SPIDR: variants seen among roughly 807,000 people sequenced by gnomAD.
The protein encoded by SPIDR is DNA repair-scaffolding protein.
In SPIDR, 93 loss-of-function variants were observed where a neutral mutation model predicts 104.6. The observed-to-expected ratio is 0.89, with a 90% confidence interval of 0.75 to 1.06. The LOEUF is 1.06. SPIDR is among the 50% of genes least tolerant of loss of function. The probability of loss-of-function intolerance (pLI) is 0.00; values close to 1 mark genes in which losing one functional copy is unlikely to be tolerated. For synonymous variants in SPIDR, 431 were observed against 416.9 expected (o/e 1.03, Z -0.41); for missense variants, 1,154 against 1,111.2 (o/e 1.04, Z -0.55).
At chr8:47,311,799 A>G (rs1554585356) in intron 5 of SPIDR, among the ~76,000 whole-genome samples, 2 of 151,900 alleles carry the variant, frequency 1.3e-5, no homozygotes, top group Non-Finnish European at 2.9e-5. Context: ...TACATGTGCC[A>G]TGTTGGTGTG....
At chr8:47,461,833 T>A (rs2073994734) in intron 8 of SPIDR, among the ~76,000 whole-genome samples, 1 of 152,078 alleles carries the variant, frequency 6.6e-6, no homozygotes, top group Non-Finnish European at 1.5e-5. Flanking sequence ...TCTTTTTTTT[T>A]ATTTCCTTAA....
chr8:47,331,965 C>CTTTTTTTTTTTTTT (rs1183447584), intron 5 of SPIDR, among the ~76,000 whole-genome samples: 37 of 32,712 alleles, frequency 1.1e-3, no homozygotes, highest in Admixed American at 2.3e-3. Context: ...TTTTTTTAAA[C>CTTTTTTTTTTTTTT]TTTTTTTTTT....
chr8:47,510,406 G>T (rs924104443), intron 8 of SPIDR, among the ~76,000 whole-genome samples: 1 of 152,174 alleles, frequency 6.6e-6, no homozygotes, highest in African/African-American at 2.4e-5. Context: ...TAATCTAGAT[G>T]TCCATGCCTG....
At chr8:47,294,268 G>A (rs912637760) in intron 5 of SPIDR, 20 of 430,914 alleles carry the variant, frequency 4.6e-5, no homozygotes, top group South Asian at 3.8e-4. Context: ...ACTGCACACC[G>A]AATGTTTTTT....
chr8:47,502,639 G>A (rs1003757336), intron 8 of SPIDR, among the ~76,000 whole-genome samples: 33 of 151,694 alleles, frequency 2.2e-4, no homozygotes, highest in Admixed American at 2.6e-4. Flanking sequence ...TATTTCCTTC[G>A]GTTCTGCTCT....
chr8:47,455,289 G>A (rs1260709874), intron 8 of SPIDR, among the ~76,000 whole-genome samples: 2 of 151,872 alleles, frequency 1.3e-5, no homozygotes, highest in Non-Finnish European at 2.9e-5. Context: ...TTGAAACTTA[G>A]TTAGTATTAT....
intron 8 of SPIDR, among the ~76,000 whole-genome samples, chr8:47,579,191 A>G (rs1262024211): frequency 6.6e-6 from 1 of 152,206 alleles, no homozygotes; most frequent in Non-Finnish European, 1.5e-5. Flanking sequence ...TCAGAGTCAT[A>G]TTTCATGCTG....
chr8:47,525,765 C>A (rs549334901), intron 8 of SPIDR, among the ~76,000 whole-genome samples: 20 of 149,908 alleles, frequency 1.3e-4, no homozygotes, highest in African/African-American at 4.6e-4. Context: ...CAGAGTGAGA[C>A]CCTGCCTCAA....
In SPIDR at chr8:47,712,873, G is replaced by A. The variant is rs779507096; in HGVS notation, c.2188+1G>A. On this transcript the variant is annotated splice_donor_variant, in intron 15 of 19. Transcript: ENST00000297423. LOFTEE classifies it high-confidence loss of function. ...TTCAAGGACGCTCTCCGTGACCAGGGTGTGCTTGCGTCTCCACAGCTTTGA... is the reference window on the plus strand; with the variant it reads ...TTCAAGGACGCTCTCCGTGACCAGGATGTGCTTGCGTCTCCACAGCTTTGA... 1.9e-6 allele frequency: 3 copies of A among 1,613,910 alleles called. No individual in the cohort carries two copies. The highest frequency in any genetic ancestry group is 1.1e-5 in the South Asian group (1 of 91,086).
At chr8:47,509,883 A>G (rs1227473185) in intron 8 of SPIDR, among the ~76,000 whole-genome samples, 3 of 152,038 alleles carry the variant, frequency 2.0e-5, no homozygotes, top group African/African-American at 7.2e-5. Context: ...CACACACCAC[A>G]CATCACATAC....
At chr8:47,494,651 A>G (rs1289545703) in intron 8 of SPIDR, among the ~76,000 whole-genome samples, 1 of 152,056 alleles carries the variant, frequency 6.6e-6, no homozygotes, top group African/African-American at 2.4e-5. Context: ...TATATATCTG[A>G]AAGTCTTTCA....
At chr8:47,316,410 A>G (rs188169862) in intron 5 of SPIDR, among the ~76,000 whole-genome samples, 3 of 152,322 alleles carry the variant, frequency 2.0e-5, no homozygotes, top group East Asian at 3.9e-4. Context: ...CACATCTACA[A>G]GATTTGTTCA....
intron 10 of SPIDR, among the ~76,000 whole-genome samples, chr8:47,625,935 T>C (rs1251344216): frequency 1.3e-5 from 2 of 152,122 alleles, no homozygotes; most frequent in Non-Finnish European, 2.9e-5. Context: ...GCCAAGTCAG[T>C]CCTAAGCCAA....
intron 5 of SPIDR, among the ~76,000 whole-genome samples, chr8:47,311,837 T>A (rs2044224069): frequency 6.6e-6 from 1 of 152,134 alleles, no homozygotes; most frequent in Admixed American, 6.6e-5. Flanking sequence ...TCATTTAACA[T>A]TAGGTATACC....
intron 5 of SPIDR, among the ~76,000 whole-genome samples, chr8:47,339,668 C>T (rs2050365164): frequency 2.0e-5 from 3 of 150,912 alleles, no homozygotes; most frequent in Admixed American, 2.0e-4. Context: ...CATAACATAA[C>T]TGTTTACAAT....
At chr8:47,447,376 G>A (rs970307689) in intron 8 of SPIDR, among the ~76,000 whole-genome samples, 2 of 152,056 alleles carry the variant, frequency 1.3e-5, no homozygotes, top group Admixed American at 6.6e-5. Context: ...ACCACACACG[G>A]CTAATTTTTG....
chr8:47,671,718 T>C (rs2075826002), intron 10 of SPIDR, among the ~76,000 whole-genome samples: 1 of 152,196 alleles, frequency 6.6e-6, no homozygotes, highest in African/African-American at 2.4e-5. Flanking sequence ...TCTGAAAATA[T>C]TCCATGTCTT....
At chr8:47,281,900 A>G (rs1228741005) in intron 2 of SPIDR, among the ~76,000 whole-genome samples, 1 of 152,230 alleles carries the variant, frequency 6.6e-6, no homozygotes, top group African/African-American at 2.4e-5. Context: ...GCCATATGAC[A>G]TGTATTTCTG....
intron 10 of SPIDR, among the ~76,000 whole-genome samples, chr8:47,672,820 A>G (rs1053204502): frequency 3.3e-5 from 5 of 152,178 alleles, no homozygotes; most frequent in Admixed American, 1.3e-4. Context: ...GTCTTATTCC[A>G]TGGTGAACTA....
Sources: gnomAD v4.1 joint callset for allele counts (sites outside exome capture counted in the v4.1 genomes callset) on GRCh38, gnomAD v4.1.1 for gene constraint, MANE v1.5 for transcripts, NCBI Gene and HGNC (gene_info 2026-07-23, HGNC 2026-07-21) for gene names.